GLIS3: variants seen among roughly 807,000 people sequenced by gnomAD.
GLIS3 encodes the protein zinc finger protein GLIS3.
Under a neutral mutation model 78.6 loss-of-function variants are expected in GLIS3, and 53 were observed. That is an observed-to-expected ratio of 0.67 (90% CI 0.54 to 0.85). GLIS3 has a LOEUF of 0.85. Among genes scored for constraint, GLIS3 ranks in the 40% least tolerant of loss-of-function variants. The pLI is 0.00. For synonymous variants in GLIS3, 684 were observed against 509.9 expected, an observed-to-expected ratio of 1.34 and a Z score of -4.60; for missense variants, 1,703 against 1,231.1, an observed-to-expected ratio of 1.38 and a Z score of -5.74.
chr9:3,963,417 G>C (rs369605669), intron 4 of GLIS3, among the ~76,000 whole-genome samples: 36 of 152,086 alleles, frequency 2.4e-4, no homozygotes, highest in African/African-American at 8.5e-4. Context: ...GAGATGTGCC[G>C]CTTGTTCTCA....
chr9:4,000,840 C>A (rs890655737), intron 4 of GLIS3, among the ~76,000 whole-genome samples: 3 of 152,222 alleles, frequency 2.0e-5, no homozygotes, highest in African/African-American at 7.2e-5. Context: ...CTGTCTCAAT[C>A]TGGCCAGTTC....
intron 4 of GLIS3, among the ~76,000 whole-genome samples, chr9:4,050,251 G>A (rs1588540578): frequency 1.3e-5 from 2 of 152,164 alleles, no homozygotes; most frequent in South Asian, 2.1e-4. Context: ...TATACCCCAT[G>A]GAATACTATG....
At chr9:4,276,820 G>C (rs955467570) in intron 2 of GLIS3, among the ~76,000 whole-genome samples, 5 of 152,132 alleles carry the variant, frequency 3.3e-5, no homozygotes, top group Non-Finnish European at 7.4e-5. Context: ...GTAGCTCAGA[G>C]AGTAAACAAA....
intron 4 of GLIS3, among the ~76,000 whole-genome samples, chr9:4,024,175 C>A (rs1823114042): frequency 6.6e-6 from 1 of 152,186 alleles, no homozygotes; most frequent in Non-Finnish European, 1.5e-5. Flanking sequence ...AATAGCCAGT[C>A]AAATCCATGC....
At chr9:4,420,990 G>A in the GLIS3 span, among the ~76,000 whole-genome samples, 1 of 152,222 alleles carries the variant, frequency 6.6e-6, no homozygotes, top group African/African-American at 2.4e-5. Context: ...TTTTAAAAAA[G>A]TGTCTGCTAC....
At chr9:4,201,076 A>G (rs1487869230) in intron 2 of GLIS3, among the ~76,000 whole-genome samples, 1 of 152,190 alleles carries the variant, frequency 6.6e-6, no homozygotes, top group Non-Finnish European at 1.5e-5. Flanking sequence ...CAGAATTAAA[A>G]ACAAAACCAC....
intron 2 of GLIS3, among the ~76,000 whole-genome samples, chr9:4,343,741 A>AG (rs1817868497): frequency 6.6e-6 from 1 of 152,244 alleles, no homozygotes; most frequent in South Asian, 2.1e-4. Context: ...CCATAAAAAA[A>AG]CAATGAGATC....
chr9:4,118,266 C>G lies in GLIS3; in HGVS notation c.1212G>C (p.Gln404His). 1.9e-6 allele frequency: 3 copies of G among 1,587,842 alleles called. No individual in the cohort carries two copies. The highest frequency in any genetic ancestry group is 1.1e-5 in the South Asian group (1 of 87,962). Reference sequence around the variant, plus strand: ...CCACCATGTGGTTGACCAGGCCTGGCTGCAGGCCGCCGTGCTCCAGCTGTT... The same window carrying G: ...CCACCATGTGGTTGACCAGGCCTGGGTGCAGGCCGCCGTGCTCCAGCTGTT... ...RMQQLEHGGLQPGLVNHMVVQ... is the reference protein window; with the variant it reads ...RMQQLEHGGLHPGLVNHMVVQ... The change falls in exon 4 of 11, where the codon CAG becomes CAC. Residue 404 changes from glutamine (Q) to histidine (H), a missense_variant. By Grantham distance (24) the Gln-to-His change is conservative. Coordinates refer to ENST00000381971, the MANE Select transcript of GLIS3 (RefSeq NM_001042413.2). This position sits in a 1 kb window ranked among gnomAD's most constrained non-coding sequence, Gnocchi z 4.7.
At chr9:4,411,033 G>A in the GLIS3 span, among the ~76,000 whole-genome samples, 26 of 152,220 alleles carry the variant, frequency 1.7e-4, no homozygotes, top group Admixed American at 2.6e-4. Flanking sequence ...ACCAAAACAA[G>A]TATGTAAAAT....
the GLIS3 span, among the ~76,000 whole-genome samples, chr9:4,477,149 G>C: frequency 1.3e-5 from 2 of 152,098 alleles, no homozygotes; most frequent in Non-Finnish European, 2.9e-5. Flanking sequence ...ATAACCAAAA[G>C]GCGGAAGCAA....
intron 10 of GLIS3, among the ~76,000 whole-genome samples, 156 bp downstream of exon 10, chr9:3,829,153 AG>A (rs1372444598): frequency 1.3e-5 from 2 of 151,854 alleles, no homozygotes; most frequent in African/African-American, 4.8e-5. Context: ...GGAGGGCTGG[AG>A]GGGAAGGTGG....
intron 6 of GLIS3, among the ~76,000 whole-genome samples, chr9:3,929,478 C>T (rs1249952393): frequency 2.0e-5 from 3 of 152,090 alleles, no homozygotes; most frequent in Non-Finnish European, 4.4e-5. Context: ...CTTATGAGAT[C>T]CCGACCCCTC....
intron 2 of GLIS3, among the ~76,000 whole-genome samples, chr9:4,151,695 T>A (rs1834693279): frequency 6.6e-6 from 1 of 152,220 alleles, no homozygotes; most frequent in Non-Finnish European, 1.5e-5. Flanking sequence ...GGAAAAAATC[T>A]GCCTTCAGGA....
the GLIS3 span, among the ~76,000 whole-genome samples, chr9:4,455,538 A>G: frequency 0.16 from 24,682 of 152,178 alleles, 2,529 homozygotes; most frequent in East Asian, 0.26. Flanking sequence ...GGTGGATCAT[A>G]TAATTTGTTT....
At chr9:4,083,099 G>A (rs1828700831) in intron 4 of GLIS3, among the ~76,000 whole-genome samples, 1 of 152,104 alleles carries the variant, frequency 6.6e-6, no homozygotes, top group Non-Finnish European at 1.5e-5. Flanking sequence ...ATATAAATAA[G>A]GGAACAGAAA....
At chr9:4,023,640 T>G (rs944309715) in intron 4 of GLIS3, among the ~76,000 whole-genome samples, 1 of 152,230 alleles carries the variant, frequency 6.6e-6, no homozygotes, top group African/African-American at 2.4e-5. Flanking sequence ...GCTTGAACTT[T>G]CAGGTTTTCT....
chr9:3,888,006 GAC>G (rs1822189964), intron 7 of GLIS3, among the ~76,000 whole-genome samples: 1 of 152,080 alleles, frequency 6.6e-6, no homozygotes, highest in Non-Finnish European at 1.5e-5. Context: ...AAGGATTCAT[GAC>G]ACAGAAAGTC....
chr9:4,414,640 T>C, the GLIS3 span, among the ~76,000 whole-genome samples: 9 of 152,328 alleles, frequency 5.9e-5, no homozygotes, highest in African/African-American at 2.2e-4. Flanking sequence ...CAAGGATTCA[T>C]TGCTTGACCA....
Position 4,149,950 on chromosome 9 carries a change from T to C in GLIS3, c.389-24009A>G, listed in dbSNP as rs141472882. 5.8e-3 allele frequency among the ~76,000 whole-genome samples: 890 copies of C among 152,324 alleles called. 7 individuals carry two copies. Among genetic ancestry groups the C allele is most frequent in the Middle Eastern group, 0.054 (16 of 294 alleles). On this transcript the variant is annotated intron_variant, in intron 2 of 10. Coordinates refer to ENST00000381971, the MANE Select transcript of GLIS3 (RefSeq NM_001042413.2). ...TACTACAAAAGGGATTTACTAACTTTTTATTCACGAAGAGTCTTGAATGCG... is the reference window on the plus strand; with the variant it reads ...TACTACAAAAGGGATTTACTAACTTCTTATTCACGAAGAGTCTTGAATGCG...
Sources: allele counts gnomAD v4.1 joint callset (sites outside exome capture counted in the v4.1 genomes callset), GRCh38; gene constraint gnomAD v4.1.1; non-coding constraint Gnocchi (gnomAD v3.1); transcripts MANE v1.5; gene names NCBI Gene and HGNC (gene_info 2026-07-23, HGNC 2026-07-21).